Variants in OSBPL1A observed in about 807,000 individuals in gnomAD.
OSBPL1A encodes oxysterol-binding protein-related protein 1.
Under a neutral mutation model 137.1 loss-of-function variants are expected in OSBPL1A, and 80 were observed. The observed-to-expected ratio is 0.58, with a 90% CI of 0.49 to 0.70. The LOEUF (loss-of-function observed/expected upper bound fraction) is 0.70. Among genes scored for constraint, OSBPL1A ranks in the 30% least tolerant of loss-of-function variants. The pLI is 0.00. For missense variants in OSBPL1A, 970 were observed against 1,129.4 expected (o/e 0.86, Z 2.02); for synonymous variants, 365 against 389.7 (o/e 0.94, Z 0.75).
intron 4 of OSBPL1A, chr18:24,357,997 G>C (rs1207197074): frequency 1.9e-5 from 3 of 158,230 alleles, no homozygotes; most frequent in African/African-American, 7.2e-5. Flanking sequence ...TGGGGTCCTT[G>C]CATCCAAGGA....
At chr18:24,172,517 G>T in intron 21 of OSBPL1A, 34 bp from the exon 22 acceptor site, 1 of 1,455,762 alleles carries the variant, frequency 6.9e-7, no homozygotes, top group Non-Finnish European at 9.6e-7. Flanking sequence ...AAGCATAAGT[G>T]AGAGGTATCA....
chr18:24,361,419 G>A (rs889132936), intron 4 of OSBPL1A, among the ~76,000 whole-genome samples: 8 of 152,090 alleles, frequency 5.3e-5, no homozygotes, highest in Non-Finnish European at 4.4e-5. Flanking sequence ...CTTATACATC[G>A]TTTATCCAAA....
rs145164093 is a variant in OSBPL1A at position 24,170,334 on chromosome 18, C to T, written c.2411G>A (p.Ser804Asn). The T allele has an allele frequency of 2.8e-3, 4,599 of 1,614,038 alleles. 13 individuals are homozygous for T. Among genetic ancestry groups the T allele is most frequent in the Middle Eastern group, 0.022 (134 of 6,062 alleles). ...ACCTTACAGGATGTTCACCTGTTTG[C>T]TGTTCTTCTTCTCTTCTGTATTTTT... is the stretch of plus-strand genomic sequence containing the variant. Reference protein sequence around the residue: ...DKKNTEEKKNSKQMSTSEELD... With the variant: ...DKKNTEEKKNNKQMSTSEELD... The change falls in exon 24 of 28, where the codon AGC (serine) becomes AAC (asparagine). Residue 804 changes from serine to asparagine, a missense_variant. Physicochemically the swap from Ser to Asn is conservative, Grantham distance 46. Around this residue, in one of 2 missense-constraint regions of OSBPL1A, gnomAD observed 323 missense variants for 456.8 expected, o/e 0.71. Transcript: ENST00000319481.
intron 13 of OSBPL1A, among the ~76,000 whole-genome samples, chr18:24,306,924 T>C (rs1369712884): frequency 2.0e-5 from 3 of 152,064 alleles, no homozygotes; most frequent in Non-Finnish European, 2.9e-5. Context: ...CACTTATCTC[T>C]AAGTCTTCCT....
At chr18:24,174,799 G>C (rs1444622073) in intron 21 of OSBPL1A, among the ~76,000 whole-genome samples, 2 of 151,524 alleles carry the variant, frequency 1.3e-5, no homozygotes, top group Admixed American at 6.6e-5. Flanking sequence ...TTAGAGATGA[G>C]GTCTTATTCT....
rs554333035 is a variant in OSBPL1A at position 24,325,399 on chromosome 18, C to A, written c.626-6590G>T. On this transcript the variant is annotated intron_variant, in intron 7 of 27. Transcript: ENST00000319481. ...TGGGCACACTGGCAGTTTTCCTTTTCCTCAATGTGCCACGTGTTCTTCTAC... is the reference window on the plus strand; with the variant it reads ...TGGGCACACTGGCAGTTTTCCTTTTACTCAATGTGCCACGTGTTCTTCTAC... Among the ~76,000 whole-genome samples, 27 of 152,310 alleles carry A rather than the reference C, an allele frequency of 1.8e-4. No individual in the cohort carries two copies. In the East Asian group the frequency reaches 5.2e-3, roughly 29 times the overall value.
intron 14 of OSBPL1A, among the ~76,000 whole-genome samples, chr18:24,296,531 A>G (rs1025384677): frequency 3.3e-5 from 5 of 152,152 alleles, no homozygotes; most frequent in African/African-American, 1.2e-4. Flanking sequence ...TAGGACTTCC[A>G]GTACTACGTT....
At chr18:24,171,347 T>C in intron 23 of OSBPL1A, 62 bp downstream of exon 23, 3 of 1,301,524 alleles carry the variant, frequency 2.3e-6, no homozygotes, top group Non-Finnish European at 3.3e-6. Flanking sequence ...TGTATTTTAA[T>C]ACCGACATTT....
chr18:24,216,297 G>C (rs1399391384), intron 17 of OSBPL1A, among the ~76,000 whole-genome samples: 1 of 152,210 alleles, frequency 6.6e-6, no homozygotes, highest in Non-Finnish European at 1.5e-5. Context: ...CCCGAGCTCA[G>C]GAGTTTGAGA....
chr18:24,298,956 T>C (rs2090347506), intron 14 of OSBPL1A, among the ~76,000 whole-genome samples: 1 of 152,246 alleles, frequency 6.6e-6, no homozygotes, highest in Non-Finnish European at 1.5e-5. Flanking sequence ...ATCTTCTTCT[T>C]GGATTGATCC....
intron 18 of OSBPL1A, among the ~76,000 whole-genome samples, chr18:24,184,797 C>G (rs2086700356): frequency 6.6e-6 from 1 of 151,818 alleles, no homozygotes; most frequent in Non-Finnish European, 1.5e-5. Flanking sequence ...CTGCCCCCAC[C>G]CTGCATTCTC....
rs768517823 is a variant in OSBPL1A at position 24,225,165 on chromosome 18, T to A, written c.1478A>T (p.Glu493Val). 1.9e-6 allele frequency: 3 copies of A among 1,614,108 alleles called. No homozygotes were observed. Among genetic ancestry groups the A allele is most frequent in the Non-Finnish European group, 2.5e-6 (3 of 1,179,992 alleles). ...SESERSLSRL[E>V]AVTARSFEEE... ...TTCAAAGGAGCGTGCTGTCACTGCT[T>A]CCAATCTACTCAGGGACCTTTCGGA... Residue 493 changes from glutamate (E) to valine (V), a missense_variant, in exon 17 of 28, where the codon GAA becomes GTA. By Grantham distance (121) the Glu-to-Val change is moderately radical. This residue lies in a region of OSBPL1A where 647 missense variants were observed against 672.6 expected (regional missense o/e 0.96). Coordinates refer to ENST00000319481, the MANE Select transcript of OSBPL1A (RefSeq NM_080597.4).
chr18:24,262,448 A>G (rs2089464699), intron 15 of OSBPL1A, among the ~76,000 whole-genome samples: 2 of 152,184 alleles, frequency 1.3e-5, no homozygotes, highest in Admixed American at 1.3e-4. Context: ...AAAGTAGGGA[A>G]GTTTAATCAT....
intron 16 of OSBPL1A, among the ~76,000 whole-genome samples, chr18:24,229,894 G>T (rs2145994559): frequency 6.6e-6 from 1 of 152,182 alleles, no homozygotes; most frequent in South Asian, 2.1e-4. Context: ...GGGACTATAA[G>T]CGCGCGCCAC....
intron 15 of OSBPL1A, among the ~76,000 whole-genome samples, chr18:24,254,686 C>T (rs1003687719): frequency 6.6e-6 from 1 of 151,506 alleles, no homozygotes; most frequent in Admixed American, 6.6e-5. Flanking sequence ...GAAAGCAGTA[C>T]TAAGAGAGAA....
At chr18:24,212,999 AT>A (rs1219191164) in intron 17 of OSBPL1A, among the ~76,000 whole-genome samples, 1 of 152,226 alleles carries the variant, frequency 6.6e-6, no homozygotes, top group Non-Finnish European at 1.5e-5. Context: ...ATTCAGACAA[AT>A]ACAGTCATCA....
intron 1 of OSBPL1A, among the ~76,000 whole-genome samples, chr18:24,380,360 G>T (rs1386992081): frequency 6.6e-6 from 1 of 152,192 alleles, no homozygotes; most frequent in African/African-American, 2.4e-5. Context: ...ATCTAGCTGT[G>T]GGCCTGGCCT....
chr18:24,192,394 T>A (rs2086910167), intron 18 of OSBPL1A, among the ~76,000 whole-genome samples: 1 of 152,202 alleles, frequency 6.6e-6, no homozygotes, highest in Non-Finnish European at 1.5e-5. Flanking sequence ...TTCAAATGAC[T>A]AAGCAGTGTC....
chr18:24,283,311 T>TAC (rs1323006593), intron 14 of OSBPL1A, among the ~76,000 whole-genome samples: 2 of 120,400 alleles, frequency 1.7e-5, no homozygotes, highest in Non-Finnish European at 3.7e-5. Flanking sequence ...TATGTATATA[T>TAC]ATACACACAC....
Sources: gnomAD v4.1 joint callset for allele counts (sites outside exome capture counted in the v4.1 genomes callset) on GRCh38, gnomAD v4.1.1 for gene constraint, gnomAD v4.1.1 regional missense constraint, MANE v1.5 for transcripts, NCBI Gene and HGNC (gene_info 2026-07-23, HGNC 2026-07-21) for gene names.